Variants in NFATC3 observed in about 807,000 individuals in gnomAD.
NFATC3 encodes nuclear factor of activated T-cells, cytoplasmic 3.
NFATC3 carries 46 observed loss-of-function variants against 98.6 expected under a neutral mutation model. The observed-to-expected ratio is 0.47, with a 90% CI of 0.37 to 0.60. The LOEUF is 0.60. Ranked by LOEUF, NFATC3 falls within the 20% of genes least tolerant of loss-of-function variation. The pLI, the probability that NFATC3 is intolerant of heterozygous loss-of-function variation, is 0.00. For missense variants in NFATC3, 1,256 were observed against 1,295.5 expected (o/e 0.97, Z 0.47); for synonymous variants, 512 against 472.2 (o/e 1.08, Z -1.09).
chr16:68,213,689 CATG>C (rs951043736), intron 9 of NFATC3, among the ~76,000 whole-genome samples: 2 of 151,900 alleles, frequency 1.3e-5, no homozygotes, highest in Non-Finnish European at 2.9e-5. Context: ...AGTAGCCAGG[CATG>C]GTGGTGAGTG....
intron 3 of NFATC3, among the ~76,000 whole-genome samples, chr16:68,138,066 G>T (rs1429232955): frequency 6.6e-6 from 1 of 151,140 alleles, no homozygotes; most frequent in East Asian, 1.9e-4. Context: ...ACAGAGTCTC[G>T]TGCTGTTGCC....
chr16:68,090,266 G>T (rs2034629341), intron 1 of NFATC3, among the ~76,000 whole-genome samples: 1 of 149,996 alleles, frequency 6.7e-6, no homozygotes, highest in Non-Finnish European at 1.5e-5. Flanking sequence ...TATTTAAGTG[G>T]TGGTAACTAA....
chr16:68,166,572 T>G (rs907723600), intron 4 of NFATC3, among the ~76,000 whole-genome samples: 1 of 152,200 alleles, frequency 6.6e-6, no homozygotes, highest in Non-Finnish European at 1.5e-5. Context: ...ACTCTACGTC[T>G]TAATGGCAGG....
intron 1 of NFATC3, among the ~76,000 whole-genome samples, chr16:68,101,035 A>G (rs1199083194): frequency 1.3e-5 from 2 of 152,004 alleles, no homozygotes; most frequent in African/African-American, 4.8e-5. Context: ...TTACATTTTG[A>G]TGAAGTTTGC....
At chr16:68,188,038 G>A (rs911366144) in intron 8 of NFATC3, among the ~76,000 whole-genome samples, 2 of 152,200 alleles carry the variant, frequency 1.3e-5, no homozygotes, top group Non-Finnish European at 2.9e-5. Context: ...ATGCTCATCA[G>A]TGCCCAAAGT....
Position 68,191,145 on chromosome 16 carries a change from G to A in NFATC3, c.2476G>A (p.Glu826Lys). The A allele has an allele frequency of 1.2e-6, 2 of 1,614,192 alleles. No individual in the cohort carries two copies. Among genetic ancestry groups the A allele is most frequent in the Non-Finnish European group, 1.7e-6 (2 of 1,180,038 alleles). The change falls in exon 9 of 10, where the codon GAA (glutamate) becomes AAA (lysine). Residue 826 changes from glutamate to lysine, a missense_variant. This residue lies in a region of NFATC3 where 636 missense variants were observed against 617.3 expected (regional missense o/e 1.03). Coordinates refer to ENST00000346183, the MANE Select transcript of NFATC3 (RefSeq NM_173165.3). ...TCCTATTAATGCTGCCTCTAGTCAAGAATTTGATTCAGTTTTGTTTCAGCA... is the reference window on the plus strand; with the variant it reads ...TCCTATTAATGCTGCCTCTAGTCAAAAATTTGATTCAGTTTTGTTTCAGCA... Reference protein sequence around the residue: ...CLPINAASSQEFDSVLFQQDA... With the variant: ...CLPINAASSQKFDSVLFQQDA...
intron 3 of NFATC3, among the ~76,000 whole-genome samples, chr16:68,129,544 G>A (rs571269747): frequency 6.6e-6 from 1 of 151,318 alleles, no homozygotes; most frequent in Admixed American, 6.6e-5. Context: ...CATATATTTT[G>A]TTGTTTACTT....
At chr16:68,221,188 C>A (rs1246880876) in intron 9 of NFATC3, 10 of 1,613,510 alleles carry the variant, frequency 6.2e-6, no homozygotes, top group Non-Finnish European at 8.5e-6. Context: ...ATTTACATTA[C>A]ATCATAGATT....
Position 68,119,162 on chromosome 16 carries a change from C to T in NFATC3, c.104-2825C>T, listed in dbSNP as rs565104291. The stretch of plus-strand genomic sequence containing the variant: ...GATTAAAGGTGTGAGCCACTGCGCC[C>T]GACCAATACTGTGTTTTTAATAATA... On this transcript the variant is annotated intron_variant, in intron 1 of 9. Transcript: ENST00000346183. Among the ~76,000 whole-genome samples, 9 of 152,266 alleles carry T rather than the reference C, an allele frequency of 5.9e-5. No individual in the cohort carries two copies. The South Asian group carries it at 1.9e-3, about 32-fold the overall frequency.
intron 1 of NFATC3, among the ~76,000 whole-genome samples, chr16:68,116,906 C>T (rs144444578): frequency 6.7e-4 from 101 of 151,482 alleles, no homozygotes; most frequent in African/African-American, 2.3e-3. Flanking sequence ...ATAAGCAGTA[C>T]GATTAGATGA....
intron 1 of NFATC3, among the ~76,000 whole-genome samples, chr16:68,087,545 GT>G (rs956798980): frequency 6.6e-6 from 1 of 151,954 alleles, no homozygotes; most frequent in Non-Finnish European, 1.5e-5. Context: ...TTTTTTTAAA[GT>G]TTTTTTAATA....
chr16:68,204,294 A>G (rs6499161), intron 9 of NFATC3, among the ~76,000 whole-genome samples: 34,734 of 152,036 alleles, frequency 0.23, 4,451 homozygotes, highest in African/African-American at 0.34. Flanking sequence ...CCTGGGAGAC[A>G]GAGGTTGCAG....
chr16:68,216,020 G>A (rs146980965), intron 9 of NFATC3, among the ~76,000 whole-genome samples: 5,774 of 152,162 alleles, frequency 0.038, 119 homozygotes, highest in Middle Eastern at 0.15. Context: ...GAGCCACCGC[G>A]CTGGCCCAGA....
chr16:68,208,741 C>G (rs912639478), intron 9 of NFATC3, among the ~76,000 whole-genome samples: 3 of 151,948 alleles, frequency 2.0e-5, no homozygotes, highest in Admixed American at 6.6e-5. Context: ...AAAAAAAAAC[C>G]CCAAAACAAG....
chr16:68,189,685 A>G (rs1360641276), intron 8 of NFATC3, among the ~76,000 whole-genome samples: 3 of 152,172 alleles, frequency 2.0e-5, no homozygotes, highest in Non-Finnish European at 2.9e-5. Context: ...TTCTTTCAGC[A>G]GTGTTTTGTA....
intron 3 of NFATC3, among the ~76,000 whole-genome samples, chr16:68,139,044 G>A (rs1320982523): frequency 6.6e-6 from 1 of 152,156 alleles, no homozygotes; most frequent in African/African-American, 2.4e-5. Flanking sequence ...TATTGTAGGT[G>A]CTAGGGATGC....
chr16:68,214,730 G>A (rs2041565116), intron 9 of NFATC3, among the ~76,000 whole-genome samples: 1 of 152,192 alleles, frequency 6.6e-6, no homozygotes, highest in East Asian at 1.9e-4. Flanking sequence ...TATGGTTTGG[G>A]TTGCTCAGTA....
intron 9 of NFATC3, 90 bp from the exon 10 acceptor site, chr16:68,226,260 G>C (rs2151187797): frequency 6.9e-7 from 1 of 1,439,006 alleles, no homozygotes; most frequent in East Asian, 2.7e-5. Context: ...GCCATGGGAA[G>C]GGAAATGTCT....
chr16:68,126,673 A>G (rs1828584249), intron 3 of NFATC3, 63 bp downstream of exon 3: 2 of 1,553,648 alleles, frequency 1.3e-6, no homozygotes, highest in Non-Finnish European at 1.8e-6. Flanking sequence ...AGACAAGTCT[A>G]TTCAGTTAGG....
Sources: gnomAD v4.1 joint callset for allele counts (sites outside exome capture counted in the v4.1 genomes callset) on GRCh38, gnomAD v4.1.1 for gene constraint, gnomAD v4.1.1 regional missense constraint, MANE v1.5 for transcripts, NCBI Gene and HGNC (gene_info 2026-07-23, HGNC 2026-07-21) for gene names.